Variants in WDR7 observed in about 807,000 individuals in gnomAD.
The protein encoded by WDR7 is WD repeat domain 7, also known as WD repeat-containing protein 7.
A neutral mutation model predicts 169.4 loss-of-function variants in WDR7; 46 were observed. That is an observed-to-expected ratio of 0.27 (90% confidence interval 0.21 to 0.35). WDR7 has a LOEUF of 0.35. WDR7 is among the 10% of genes least tolerant of loss of function. The pLI is 1.00. For missense variants in WDR7, 1,534 were observed against 1,859.3 expected (o/e 0.83, Z 3.22); for synonymous variants, 612 against 666.8 (o/e 0.92, Z 1.27).
At chr18:56,937,934 A>C (rs1175911673) in intron 23 of WDR7, among the ~76,000 whole-genome samples, 1 of 152,212 alleles carries the variant, frequency 6.6e-6, no homozygotes, top group Admixed American at 6.5e-5. Flanking sequence ...CTATAAAGTA[A>C]ACTAGAGAAA....
intron 19 of WDR7, among the ~76,000 whole-genome samples, chr18:56,793,429 G>A (rs2044526665): frequency 6.6e-6 from 1 of 152,138 alleles, no homozygotes; most frequent in South Asian, 2.1e-4. Flanking sequence ...TGTTAATTTG[G>A]TTTCTTCTCT....
At chr18:56,843,808 C>G (rs1475191036) in intron 20 of WDR7, among the ~76,000 whole-genome samples, 3 of 151,056 alleles carry the variant, frequency 2.0e-5, no homozygotes, top group African/African-American at 4.9e-5. Flanking sequence ...GCATTATAGT[C>G]TCAGTTTCTC....
intron 16 of WDR7, among the ~76,000 whole-genome samples, chr18:56,775,303 T>C (rs1013720563): frequency 6.6e-5 from 10 of 152,124 alleles, no homozygotes; most frequent in African/African-American, 2.4e-4. Context: ...CAGAGGAACA[T>C]TTTGGCAGAA....
chr18:56,841,543 C>CTAA (rs1441123555), intron 20 of WDR7, among the ~76,000 whole-genome samples: 1 of 138,348 alleles, frequency 7.2e-6, no homozygotes, highest in Non-Finnish European at 1.5e-5. Context: ...GAGACTCTGT[C>CTAA]TAAAAAAAAA....
intron 26 of WDR7, among the ~76,000 whole-genome samples, chr18:56,978,011 A>G (rs1432842294): frequency 2.0e-5 from 3 of 152,226 alleles, no homozygotes; most frequent in African/African-American, 7.2e-5. Context: ...ACACGTATAT[A>G]AGCCTCTGGA....
intron 20 of WDR7, among the ~76,000 whole-genome samples, chr18:56,854,765 A>C (rs531094989): frequency 6.6e-6 from 1 of 152,288 alleles, no homozygotes; most frequent in South Asian, 2.1e-4. Context: ...TTTCATGACC[A>C]GCTCCAAGAC....
chr18:56,774,037 CA>C (rs912307040), intron 16 of WDR7, among the ~76,000 whole-genome samples: 1 of 151,710 alleles, frequency 6.6e-6, no homozygotes, highest in Non-Finnish European at 1.5e-5. Context: ...TTAAACATTG[CA>C]TTTTTTTGTA....
chr18:56,688,329 T>C (rs2025487379), intron 7 of WDR7, among the ~76,000 whole-genome samples: 1 of 152,088 alleles, frequency 6.6e-6, no homozygotes, highest in Non-Finnish European at 1.5e-5. Context: ...CTTACTATAT[T>C]AGAATAAAAT....
chr18:56,813,757 T>G (rs1207644211), intron 19 of WDR7, among the ~76,000 whole-genome samples: 1 of 152,138 alleles, frequency 6.6e-6, no homozygotes, highest in Non-Finnish European at 1.5e-5. Flanking sequence ...TTTTTTCTGG[T>G]GAGGATTTTA....
intron 1 of WDR7, among the ~76,000 whole-genome samples, chr18:56,662,933 A>G (rs910183190): frequency 2.6e-5 from 4 of 152,256 alleles, no homozygotes; most frequent in East Asian, 3.8e-4. Flanking sequence ...CATACAAAAT[A>G]CTACAAACTG....
At chr18:56,778,645 C>T (rs1337273038) in intron 17 of WDR7, among the ~76,000 whole-genome samples, 1 of 152,040 alleles carries the variant, frequency 6.6e-6, no homozygotes, top group Non-Finnish European at 1.5e-5. Context: ...TTGGGAATGT[C>T]TGTTATCTAA....
At chr18:56,814,577 A>T (rs1047967017) in intron 19 of WDR7, among the ~76,000 whole-genome samples, 3 of 152,116 alleles carry the variant, frequency 2.0e-5, no homozygotes, top group African/African-American at 7.2e-5. Flanking sequence ...TGCTTCTGTA[A>T]GTTAAACATT....
chr18:56,940,665 GGAATGT>G (rs148855782), intron 25 of WDR7, among the ~76,000 whole-genome samples: 2,232 of 152,202 alleles, frequency 0.015, 16 homozygotes, highest in African/African-American at 0.026. Flanking sequence ...ATTTTCAATG[GGAATGT>G]CTAAGCGAAA....
rs971915046 is a variant in WDR7 at position 57,028,389 on chromosome 18, A to T, written c.*1182A>T. The T allele has an allele frequency of 6.6e-6, 1 of 152,120 alleles. No individual in the cohort carries two copies. The highest frequency in any genetic ancestry group is 1.5e-5 in the Non-Finnish European group (1 of 68,024). The allele number at this position is 152,120 out of a possible 1,614,324, so 9.4% of individuals were successfully genotyped here. On this transcript the variant is annotated 3_prime_UTR_variant, in exon 28 of 28. Coordinates refer to ENST00000254442, the MANE Select transcript of WDR7 (RefSeq NM_015285.3). ...CTAGACCACTTTCTTCTTATGTCAG[A>T]TTGTGCTGGTTCTAGCTCATAATAA...
chr18:56,673,160 G>GACACACACACAC (rs36051303), intron 2 of WDR7, among the ~76,000 whole-genome samples: 121 of 147,026 alleles, frequency 8.2e-4, no homozygotes, highest in African/African-American at 2.9e-3. Context: ...AGGAGCTGGG[G>GACACACACACAC]ACACACACAC....
intron 26 of WDR7, among the ~76,000 whole-genome samples, chr18:57,001,047 AAGAGAGAGAGAGAGAGAGAG>A (rs10536689): frequency 2.3e-5 from 3 of 129,422 alleles, no homozygotes; most frequent in Admixed American, 7.3e-5. Context: ...ATCTCTACAA[AAGAGAGAGAGAGAGAGAGAG>A]AGAGAGAGAG....
chr18:56,749,854 G>T (rs2043761551), intron 14 of WDR7, among the ~76,000 whole-genome samples: 1 of 151,480 alleles, frequency 6.6e-6, no homozygotes, highest in East Asian at 1.9e-4. Flanking sequence ...AAGCTTTCAG[G>T]TATTTCATCA....
intron 26 of WDR7, among the ~76,000 whole-genome samples, chr18:57,003,467 CAG>C (rs376959005): frequency 7.3e-4 from 111 of 152,062 alleles, no homozygotes; most frequent in African/African-American, 2.4e-3. Context: ...TCTAATTACT[CAG>C]AGAGAGTGAT....
intron 1 of WDR7, among the ~76,000 whole-genome samples, chr18:56,653,708 T>A (rs996422948): frequency 3.3e-5 from 5 of 152,148 alleles, no homozygotes; most frequent in Admixed American, 2.0e-4. Context: ...TCTATTGCAT[T>A]GCTGTTCTTT....
Sources: allele counts gnomAD v4.1 joint callset (sites outside exome capture counted in the v4.1 genomes callset), GRCh38; gene constraint gnomAD v4.1.1; transcripts MANE v1.5; gene names NCBI Gene and HGNC (gene_info 2026-07-23, HGNC 2026-07-21).